The following PUM1 variants were observed in gnomAD, a reference collection of about 807,000 sequenced individuals.
PUM1 encodes the protein pumilio RNA binding family member 1.
In PUM1, 13 loss-of-function variants were observed where a neutral mutation model predicts 131.8. The observed-to-expected ratio is 0.10, with a 90% CI of 0.06 to 0.16. The LOEUF (loss-of-function observed/expected upper bound fraction) is 0.16, where lower values mean the gene tolerates loss of function less well. PUM1 is among the 10% of genes least tolerant of loss of function. PUM1 has a pLI of 1.00. For synonymous variants in PUM1, 509 were observed against 556.5 expected (o/e 0.91, Z 1.20); for missense variants, 961 against 1,512.4 (o/e 0.64, Z 6.05).
chr1:31,042,495 T>A (rs999395909), intron 2 of PUM1, among the ~76,000 whole-genome samples: 2 of 152,156 alleles, frequency 1.3e-5, no homozygotes, highest in Non-Finnish European at 2.9e-5. Context: ...CTAAATAATT[T>A]CGATTTCCAA....
At chr1:31,006,307 A>G (rs1335809804) in intron 4 of PUM1, among the ~76,000 whole-genome samples, 2 of 152,232 alleles carry the variant, frequency 1.3e-5, no homozygotes, top group African/African-American at 4.8e-5. Flanking sequence ...TTATAAGTAA[A>G]AGGATTTCTT....
intron 11 of PUM1, 121 bp from the exon 12 acceptor site, chr1:30,967,431 C>T: frequency 3.5e-6 from 3 of 863,022 alleles, no homozygotes; most frequent in Non-Finnish European, 3.6e-6. Flanking sequence ...GATTTATATA[C>T]TGGCTCCATC....
Position 30,952,216 on chromosome 1 carries a change from G to T in PUM1, c.2721+18C>A. The T allele has an allele frequency of 1.2e-6, 2 of 1,612,080 alleles. No homozygotes were observed. The highest frequency in any genetic ancestry group is 1.7e-6 in the Non-Finnish European group (2 of 1,178,214). On this transcript the variant is annotated intron_variant, in intron 16 of 21. Coordinates refer to ENST00000426105, the MANE Select transcript of PUM1 (RefSeq NM_001020658.2). ...GCAGATTCTCTTAAGTCAAAGGATAGAAAGAACAAAGGCTTACTTCAAAGA... is the reference window on the plus strand; with the variant it reads ...GCAGATTCTCTTAAGTCAAAGGATATAAAGAACAAAGGCTTACTTCAAAGA...
intron 2 of PUM1, among the ~76,000 whole-genome samples, chr1:31,049,823 C>CTTTTTTTTTTT (rs773718125): frequency 1.3e-5 from 1 of 79,970 alleles, no homozygotes; most frequent in African/African-American, 5.1e-5. Context: ...ACTGAACTTC[C>CTTTTTTTTTTT]TTTTTTTTTT....
chr1:31,041,929 A>G (rs1157977747), intron 2 of PUM1, among the ~76,000 whole-genome samples: 1 of 152,156 alleles, frequency 6.6e-6, no homozygotes, highest in East Asian at 1.9e-4. Flanking sequence ...AAATCATGTA[A>G]AAATATTAGA....
chr1:31,060,178 C>T (rs577803879), intron 1 of PUM1, among the ~76,000 whole-genome samples: 6 of 147,868 alleles, frequency 4.1e-5, no homozygotes, highest in African/African-American at 7.4e-5. Context: ...ATCACAACTT[C>T]GGCCGGGTGT....
At chr1:31,020,827 G>A (rs1642992737) in intron 3 of PUM1, among the ~76,000 whole-genome samples, 2 of 152,132 alleles carry the variant, frequency 1.3e-5, no homozygotes, top group Non-Finnish European at 2.9e-5. Context: ...TTTGCTACAT[G>A]CTTCACCTCA....
rs571902944 is a variant in PUM1 at position 30,976,187 on chromosome 1, C to T, written c.1355-1385G>A. The stretch of plus-strand genomic sequence containing the variant: ...CAGCTGCAGTCGGCCACATAAAGTA[C>T]ACAACAGAGATATAACAAAATTATG... On this transcript the variant is annotated intron_variant, in intron 9 of 21. Transcript: ENST00000426105. Among the ~76,000 whole-genome samples, 3 of 152,012 alleles carry T rather than the reference C, an allele frequency of 2.0e-5. No individual in the cohort carries two copies. The South Asian group carries it at 6.2e-4, about 32-fold the overall frequency.
intron 8 of PUM1, among the ~76,000 whole-genome samples, chr1:30,980,556 G>C (rs373190792): frequency 2.0e-5 from 3 of 152,026 alleles, no homozygotes; most frequent in East Asian, 3.8e-4. Flanking sequence ...TAAAATGTAT[G>C]GGTATTTATA....
At chr1:30,949,139 T>A (rs555982500) in intron 17 of PUM1, 5 of 442,322 alleles carry the variant, frequency 1.1e-5, no homozygotes, top group Non-Finnish European at 2.3e-5. Context: ...CTTGAGTCCA[T>A]TAACAAAGAT....
chr1:31,019,891 A>G (rs907501551), intron 3 of PUM1, among the ~76,000 whole-genome samples: 1 of 152,008 alleles, frequency 6.6e-6, no homozygotes, highest in Non-Finnish European at 1.5e-5. Flanking sequence ...GTTTTTACAT[A>G]TGAATAAACT....
chr1:31,062,696 A>G (rs1253578218), intron 1 of PUM1, among the ~76,000 whole-genome samples: 2 of 152,074 alleles, frequency 1.3e-5, no homozygotes, highest in African/African-American at 4.8e-5. Context: ...CCACGGTCTA[A>G]TTTCAAAGCC....
intron 9 of PUM1, among the ~76,000 whole-genome samples, chr1:30,978,112 G>GT (rs1381916238): frequency 4.6e-5 from 7 of 152,294 alleles, no homozygotes; most frequent in African/African-American, 1.4e-4. Context: ...AGGCGTGGTG[G>GT]TGGGTGCCTG....
intron 14 of PUM1, among the ~76,000 whole-genome samples, chr1:30,961,536 C>A (rs779895255): frequency 6.6e-6 from 1 of 151,252 alleles, no homozygotes; most frequent in Non-Finnish European, 1.5e-5. Context: ...ACAATAAAAA[C>A]GGGGGGGAAT....
chr1:31,038,984 A>ATATATATATATATATATATATAT, intron 2 of PUM1, among the ~76,000 whole-genome samples: 4 of 49,416 alleles, frequency 8.1e-5, no homozygotes, highest in African/African-American at 2.1e-4. Context: ...ATATATATAT[A>ATATATATATATATATATATATAT]TTTTTTTTTT....
Position 30,998,915 on chromosome 1 carries a change from T to A in PUM1, c.721-3695A>T, listed in dbSNP as rs1326691563. Among the ~76,000 whole-genome samples the A allele has an allele frequency of 2.6e-5, 4 of 152,200 alleles. No homozygotes were observed. In the East Asian group the frequency reaches 7.7e-4, roughly 29 times the overall value. On this transcript the variant is annotated intron_variant, in intron 5 of 21. Transcript: ENST00000426105. ...CCCTAAAGACAATAGAAGAAAGGTA[T>A]AAATGGGCTAAGTTTTATGAAAATT...
At chr1:30,956,584 T>G (rs1326182379) in intron 14 of PUM1, among the ~76,000 whole-genome samples, 2 of 152,120 alleles carry the variant, frequency 1.3e-5, no homozygotes, top group African/African-American at 4.8e-5. Context: ...TTTATTCCAT[T>G]TCAGAAACAA....
At chr1:30,973,647 C>T (rs1487924048) in intron 10 of PUM1, among the ~76,000 whole-genome samples, 3 of 151,956 alleles carry the variant, frequency 2.0e-5, no homozygotes, top group African/African-American at 7.3e-5. Flanking sequence ...TGTAAAACCA[C>T]GTGGACACAA....
At chr1:30,985,450 C>T (rs1418166101) in intron 7 of PUM1, among the ~76,000 whole-genome samples, 4 of 151,998 alleles carry the variant, frequency 2.6e-5, no homozygotes, top group Non-Finnish European at 5.9e-5. Flanking sequence ...GTCAGGAGTT[C>T]GAGACCAGCC....
Sources: gnomAD v4.1 joint callset for allele counts (sites outside exome capture counted in the v4.1 genomes callset) on GRCh38, gnomAD v4.1.1 for gene constraint, MANE v1.5 for transcripts, NCBI Gene and HGNC (gene_info 2026-07-23, HGNC 2026-07-21) for gene names.